BAZ1A: variants seen among roughly 807,000 people sequenced by gnomAD.
BAZ1A encodes bromodomain adjacent to zinc finger domain 1A, also known as bromodomain adjacent to zinc finger domain protein 1A.
Under a neutral mutation model 185.2 loss-of-function variants are expected in BAZ1A, and 50 were observed. That is an observed-to-expected ratio of 0.27 (90% CI 0.22 to 0.34). BAZ1A has a LOEUF of 0.34. BAZ1A is among the 10% of genes least tolerant of loss of function. The probability of loss-of-function intolerance (pLI) is 1.00; values close to 1 mark genes in which losing one functional copy is unlikely to be tolerated. For missense variants in BAZ1A, 1,356 were observed against 1,839.9 expected (o/e 0.74, Z 4.81); for synonymous variants, 571 against 615.6 (o/e 0.93, Z 1.07).
At chr14:34,872,074 T>C (rs2138847170) in intron 2 of BAZ1A, among the ~76,000 whole-genome samples, 1 of 152,316 alleles carries the variant, frequency 6.6e-6, no homozygotes, top group East Asian at 1.9e-4. Context: ...TTGTCAAAAT[T>C]ATTTCCGTTC....
At chr14:34,841,098 G>A (rs75818655) in intron 3 of BAZ1A, among the ~76,000 whole-genome samples, 9,485 of 151,964 alleles carry the variant, frequency 0.062, 393 homozygotes, top group Non-Finnish European at 0.097. Context: ...ATAGGCACCC[G>A]CCATCATGCC....
intron 3 of BAZ1A, among the ~76,000 whole-genome samples, chr14:34,834,183 T>A (rs1489575317): frequency 6.6e-6 from 1 of 152,202 alleles, no homozygotes; most frequent in Non-Finnish European, 1.5e-5. Context: ...ATCAGATCTA[T>A]CAGGGCTCAT....
intron 5 of BAZ1A, among the ~76,000 whole-genome samples, chr14:34,810,661 C>T (rs938429241): frequency 1.3e-5 from 2 of 151,812 alleles, no homozygotes; most frequent in South Asian, 2.1e-4. Context: ...GGTCTTGCCA[C>T]GTAGTCCAGG....
At chr14:34,779,141 C>T (rs2138595676) in intron 17 of BAZ1A, among the ~76,000 whole-genome samples, 1 of 152,294 alleles carries the variant, frequency 6.6e-6, no homozygotes, top group Admixed American at 6.5e-5. Flanking sequence ...TGAGCCACTG[C>T]ACCTGGCCCT....
chr14:34,870,493 C>G (rs1350519715), intron 2 of BAZ1A, among the ~76,000 whole-genome samples: 1 of 152,188 alleles, frequency 6.6e-6, no homozygotes, highest in Non-Finnish European at 1.5e-5. Context: ...AGACATTCTT[C>G]CCTACTATAA....
intron 3 of BAZ1A, among the ~76,000 whole-genome samples, chr14:34,852,552 G>C (rs1038195691): frequency 2.0e-5 from 3 of 152,068 alleles, no homozygotes; most frequent in African/African-American, 7.2e-5. Context: ...CTGGGAGTCG[G>C]AAGTCGCAGG....
chr14:34,786,453 T>C, intron 12 of BAZ1A: 1 of 426,072 alleles, frequency 2.3e-6, no homozygotes, highest in Non-Finnish European at 4.2e-6. Context: ...AAAAGACAAT[T>C]TCCAAATTAC....
At chr14:34,838,703 T>C (rs1217104119) in intron 3 of BAZ1A, among the ~76,000 whole-genome samples, 1 of 152,000 alleles carries the variant, frequency 6.6e-6, no homozygotes, top group Non-Finnish European at 1.5e-5. Flanking sequence ...TTTTGTATTT[T>C]TAGTAGAGAC....
intron 3 of BAZ1A, among the ~76,000 whole-genome samples, chr14:34,835,670 GT>G (rs1162232902): frequency 0.019 from 2,644 of 141,928 alleles, 98 homozygotes; most frequent in African/African-American, 0.062. Flanking sequence ...CATGGAAATA[GT>G]TTTTTTTTTT....
chr14:34,816,119 G>A (rs1437108582), intron 4 of BAZ1A, among the ~76,000 whole-genome samples: 4 of 110,812 alleles, frequency 3.6e-5, no homozygotes, highest in Admixed American at 1.4e-4. Context: ...ATAGTGTCTC[G>A]CTCTGTCACC....
intron 3 of BAZ1A, among the ~76,000 whole-genome samples, chr14:34,834,235 C>T (rs919629852): frequency 6.6e-6 from 1 of 152,304 alleles, no homozygotes; most frequent in East Asian, 1.9e-4. Flanking sequence ...GGAAGCTTTT[C>T]AGGGACCCTA....
Position 34,765,034 on chromosome 14 carries a change from C to T in BAZ1A, c.3536G>A (p.Arg1179Gln). The change falls in exon 22 of 27, where the codon CGA becomes CAA. Residue 1179 changes from arginine to glutamine, a missense_variant. By Grantham distance (43) the Arg-to-Gln change is conservative. Transcript: ENST00000360310. ...AGAAAAAAATACCTTGAGCTTTGGT[C>T]GAACACAGTAGGTATGATGACCCCT... ...CDRGHHTYCV[R>Q]PKLKTVPEGD... is the part of the protein sequence containing the mutation. The T allele has an allele frequency of 6.2e-7, 1 of 1,614,082 alleles. No individual in the cohort carries two copies. Among genetic ancestry groups the T allele is most frequent in the Non-Finnish European group, 8.5e-7 (1 of 1,179,996 alleles).
At chr14:34,779,149 C>G (rs1157939921) in intron 17 of BAZ1A, among the ~76,000 whole-genome samples, 2 of 152,134 alleles carry the variant, frequency 1.3e-5, no homozygotes, top group African/African-American at 4.8e-5. Context: ...TGCACCTGGC[C>G]CTACTATATT....
intron 3 of BAZ1A, among the ~76,000 whole-genome samples, chr14:34,838,636 T>C (rs944705862): frequency 6.6e-6 from 1 of 151,942 alleles, no homozygotes; most frequent in Non-Finnish European, 1.5e-5. Flanking sequence ...GCGATTCTCC[T>C]GCCTCAGCCT....
chr14:34,780,015 A>G (rs1487604163), intron 17 of BAZ1A, 171 bp downstream of exon 17: 2 of 742,420 alleles, frequency 2.7e-6, no homozygotes, highest in Non-Finnish European at 4.3e-6. Flanking sequence ...AGGACTTCAT[A>G]ACACATTTTT....
At chr14:34,772,749 G>A (rs1292743646) in intron 20 of BAZ1A, among the ~76,000 whole-genome samples, 1 of 151,974 alleles carries the variant, frequency 6.6e-6, no homozygotes, top group African/African-American at 2.4e-5. Flanking sequence ...AGTGCATGCC[G>A]GCCAGGCGTG....
chr14:34,829,811 TTC>T (rs1039403041), intron 3 of BAZ1A, among the ~76,000 whole-genome samples: 6 of 152,206 alleles, frequency 3.9e-5, no homozygotes, highest in African/African-American at 1.4e-4. Context: ...ACCACACTTC[TTC>T]TCTGTCTTTG....
intron 4 of BAZ1A, among the ~76,000 whole-genome samples, chr14:34,811,885 G>A (rs1410657793): frequency 6.6e-6 from 1 of 152,072 alleles, no homozygotes; most frequent in African/African-American, 2.4e-5. Context: ...GAATAAAAAT[G>A]GAGACAATGT....
chr14:34,758,791 A>G lies in BAZ1A; in HGVS notation c.4299T>C (p.His1433=), dbSNP rs755590121. The G allele has an allele frequency of 3.1e-6, 5 of 1,614,204 alleles. No homozygotes were observed. The highest frequency in any genetic ancestry group is 2.2e-5 in the East Asian group (1 of 44,894). ...RRSSGRQGGV[H]ELSAFEQLVV... ...CAAGTTGTTCAAAAGCAGACAATTC[A>G]TGAACTCCTCCCTGTCGGCCAGAAC... The change falls in exon 25 of 27, where the codon CAT becomes CAC. Residue 1433 remains histidine (H), a synonymous_variant. Transcript: ENST00000360310.
Sources: allele counts gnomAD v4.1 joint callset (sites outside exome capture counted in the v4.1 genomes callset), GRCh38; gene constraint gnomAD v4.1.1; transcripts MANE v1.5; gene names NCBI Gene and HGNC (gene_info 2026-07-23, HGNC 2026-07-21).